Variants in SLC24A5 observed in about 807,000 individuals in gnomAD.
SLC24A5 encodes sodium/potassium/calcium exchanger 5.
In SLC24A5, 46 loss-of-function variants were observed where a neutral mutation model predicts 51.6. The observed-to-expected ratio is 0.89, with a 90% CI of 0.70 to 1.14. SLC24A5 has a LOEUF of 1.14. SLC24A5 is among the 50% of genes most tolerant of loss of function. The probability of loss-of-function intolerance (pLI) is 0.00; values close to 1 mark genes in which losing one functional copy is unlikely to be tolerated. For synonymous variants in SLC24A5, 230 were observed against 214.9 expected (o/e 1.07, Z -0.62); for missense variants, 581 against 604.1 (o/e 0.96, Z 0.40).
chr15:48,141,936 C>T (rs1310204810), intron 8 of SLC24A5, 93 bp from the exon 9 acceptor site: 4 of 977,770 alleles, frequency 4.1e-6, no homozygotes, highest in African/African-American at 1.6e-5. Flanking sequence ...GAATCAACAA[C>T]AAAAAAGTAT....
At chr15:48,133,744 C>G (rs1254438021) in intron 2 of SLC24A5, among the ~76,000 whole-genome samples, 2 of 152,092 alleles carry the variant, frequency 1.3e-5, no homozygotes, top group Non-Finnish European at 2.9e-5. Context: ...TGAAAAACCC[C>G]AGCCAAAGCC....
At chr15:48,140,187 AAG>A (rs1301536568) in intron 7 of SLC24A5, 2 of 152,168 alleles carry the variant, frequency 1.3e-5, no homozygotes, top group African/African-American at 4.8e-5. Context: ...GAAAAATAAA[AAG>A]AGAGCAAAAA....
chr15:48,137,902 A>T lies in SLC24A5; in HGVS notation c.871+939A>T, dbSNP rs542174799. The T allele has an allele frequency of 3.3e-5, 5 of 152,274 alleles. No individual in the cohort carries two copies. In the South Asian group the frequency reaches 1.0e-3, roughly 32 times the overall value. The allele number at this position is 152,274 out of a possible 1,614,324, so 9.4% of individuals were successfully genotyped here. A position where few individuals can be genotyped will look rare whatever the true frequency, so the allele number is the denominator to read the frequency against. On this transcript the variant is annotated intron_variant, in intron 6 of 8. Coordinates refer to ENST00000341459, the MANE Select transcript of SLC24A5 (RefSeq NM_205850.3). The stretch of plus-strand genomic sequence containing the variant: ...AAATTCAGCTATGGTCAAAATTATA[A>T]GTTCATGGGTTACCTTTTTATAAAG...
At chr15:48,129,712 T>C (rs1037429809) in intron 2 of SLC24A5, among the ~76,000 whole-genome samples, 2 of 151,572 alleles carry the variant, frequency 1.3e-5, no homozygotes, top group Non-Finnish European at 2.9e-5. Flanking sequence ...AATGTAGACT[T>C]GGGGGTGGGG....
chr15:48,134,634 T>C (rs1242367967), intron 4 of SLC24A5, 96 bp downstream of exon 4: 3 of 887,860 alleles, frequency 3.4e-6, no homozygotes, highest in East Asian at 5.0e-5. Flanking sequence ...ACTAATAATA[T>C]GTGCAATCAA....
At position 48,131,873 on chromosome 15, in the gene SLC24A5, T is replaced by C. The variant is rs567675376; in HGVS notation, c.302-2385T>C. ...AATTCTAACCACCCCAAGAGAACTT[T>C]TCACAATGGTTTTTCAGGTGTCAAA... is the stretch of plus-strand genomic sequence containing the variant. On this transcript the variant is annotated intron_variant, in intron 2 of 8. Transcript: ENST00000341459. Among the ~76,000 whole-genome samples, 18 of 152,220 alleles carry C rather than the reference T, an allele frequency of 1.2e-4. No homozygotes were observed. In the South Asian group the frequency reaches 3.5e-3, roughly 30 times the overall value.
At chr15:48,126,952 T>C (rs2038738193) in intron 2 of SLC24A5, among the ~76,000 whole-genome samples, 1 of 152,212 alleles carries the variant, frequency 6.6e-6, no homozygotes, top group African/African-American at 2.4e-5. Flanking sequence ...TGACAAATGC[T>C]GAGAATCCCC....
At chr15:48,137,454 A>C (rs1389069010) in intron 6 of SLC24A5, 1 of 152,318 alleles carries the variant, frequency 6.6e-6, no homozygotes, top group African/African-American at 2.4e-5. Context: ...CTTAAATGCT[A>C]TTTTAAGAAT....
chr15:48,142,165 TTA>T lies in SLC24A5; in HGVS notation c.1318_1319del (p.Tyr440HisfsTer46), dbSNP rs752602941. 1 of 1,613,890 alleles carries T rather than the reference TTA, an allele frequency of 6.2e-7. No homozygotes were observed. Among genetic ancestry groups the T allele is most frequent in the Admixed American group, 1.7e-5 (1 of 60,032 alleles). Reference sequence around the variant, plus strand: ...CAGAAGTAAACAGCAGAGGACTAACTTACATAACCATCTCTCTCAACATTTCA... The same window carrying T: ...CAGAAGTAAACAGCAGAGGACTAACTCATAACCATCTCTCTCAACATTTCA... ...PAEVNSRGLT[Y>X]ITISLNISII... On this transcript the variant is annotated frameshift_variant, in exon 9 of 9. Coordinates refer to ENST00000341459, the MANE Select transcript of SLC24A5 (RefSeq NM_205850.3). LOFTEE classifies it high-confidence loss of function.
At chr15:48,127,395 C>T (rs896492835) in intron 2 of SLC24A5, among the ~76,000 whole-genome samples, 3 of 152,164 alleles carry the variant, frequency 2.0e-5, no homozygotes, top group Admixed American at 6.5e-5. Context: ...TCTGCTAGAA[C>T]TTGAACACCA....
intron 2 of SLC24A5, among the ~76,000 whole-genome samples, chr15:48,126,469 G>A (rs1166633986): frequency 6.6e-6 from 1 of 152,228 alleles, no homozygotes; most frequent in African/African-American, 2.4e-5. Flanking sequence ...TAGTTGTCCA[G>A]GGCATTTCAC....
At chr15:48,127,395 C>A (rs896492835) in intron 2 of SLC24A5, among the ~76,000 whole-genome samples, 1 of 152,164 alleles carries the variant, frequency 6.6e-6, no homozygotes, top group African/African-American at 2.4e-5. Flanking sequence ...TCTGCTAGAA[C>A]TTGAACACCA....
intron 2 of SLC24A5, among the ~76,000 whole-genome samples, chr15:48,129,455 G>A (rs542100987): frequency 1.6e-4 from 24 of 152,172 alleles, no homozygotes; most frequent in Middle Eastern, 3.4e-3. Flanking sequence ...TACTCACCAT[G>A]GTCACTAGAG....
At chr15:48,129,442 G>A (rs1202755166) in intron 2 of SLC24A5, among the ~76,000 whole-genome samples, 1 of 152,090 alleles carries the variant, frequency 6.6e-6, no homozygotes, top group Non-Finnish European at 1.5e-5. Context: ...GACTCAGCAT[G>A]ACTACTCACC....
intron 8 of SLC24A5, 181 bp downstream of exon 8, chr15:48,141,395 G>A (rs2039080227): frequency 4.7e-6 from 2 of 426,618 alleles, no homozygotes; most frequent in Non-Finnish European, 8.6e-6. Context: ...TGACCAACAT[G>A]GTGAAACCCA....
intron 8 of SLC24A5, 99 bp downstream of exon 8, chr15:48,141,313 T>C: frequency 1.0e-6 from 1 of 963,558 alleles, no homozygotes; most frequent in Non-Finnish European, 1.6e-6. Flanking sequence ...GTGTGGTGGC[T>C]CGCGCCTGTA....
chr15:48,140,930 C>T (rs1390532778), intron 7 of SLC24A5, 183 bp from the exon 8 acceptor site: 3 of 498,402 alleles, frequency 6.0e-6, no homozygotes, highest in Non-Finnish European at 1.1e-5. Context: ...ACCTGGGTTA[C>T]CCGAATTACC....
chr15:48,127,061 G>A (rs187241169), intron 2 of SLC24A5, among the ~76,000 whole-genome samples: 2 of 152,304 alleles, frequency 1.3e-5, no homozygotes, highest in Admixed American at 1.3e-4. Flanking sequence ...AGATAGCCCA[G>A]GTTCAAATCC....
At chr15:48,134,103 A>T (rs984264428) in intron 2 of SLC24A5, among the ~76,000 whole-genome samples, 155 bp from the exon 3 acceptor site, 31 of 152,282 alleles carry the variant, frequency 2.0e-4, no homozygotes, top group Non-Finnish European at 3.4e-4. Flanking sequence ...GTCATAAAGA[A>T]GCAAAACATT....
Sources: gnomAD v4.1 joint callset for allele counts (sites outside exome capture counted in the v4.1 genomes callset) on GRCh38, gnomAD v4.1.1 for gene constraint, MANE v1.5 for transcripts, NCBI Gene and HGNC (gene_info 2026-07-23, HGNC 2026-07-21) for gene names.